The following FAM13A variants were observed in gnomAD, a reference collection of about 807,000 sequenced individuals.
FAM13A encodes protein FAM13A.
In FAM13A, 76 loss-of-function variants were observed where a neutral mutation model predicts 129.6. That is an observed-to-expected ratio of 0.59 (90% CI 0.49 to 0.71). The LOEUF (loss-of-function observed/expected upper bound fraction) is 0.71, where lower values mean the gene tolerates loss of function less well. Ranked by LOEUF, FAM13A falls within the 30% of genes least tolerant of loss-of-function variation. The pLI, the probability that FAM13A is intolerant of heterozygous loss-of-function variation, is 0.00. For synonymous variants in FAM13A, 443 were observed against 449.9 expected (o/e 0.98, Z 0.20); for missense variants, 1,108 against 1,249.3 (o/e 0.89, Z 1.70).
At chr4:88,928,906 GT>G (rs756872364) in intron 5 of FAM13A, among the ~76,000 whole-genome samples, 145 of 152,118 alleles carry the variant, frequency 9.5e-4, no homozygotes, top group Non-Finnish European at 1.2e-3. Flanking sequence ...TTTTGTCTTT[GT>G]GGTTTGATGA....
chr4:88,733,089 G>T (rs1392690693), intron 21 of FAM13A, among the ~76,000 whole-genome samples: 1 of 152,050 alleles, frequency 6.6e-6, no homozygotes, highest in African/African-American at 2.4e-5. Context: ...CATAAAAAAT[G>T]GTATGCATAG....
At chr4:88,947,725 C>T (rs571759203) in intron 4 of FAM13A, among the ~76,000 whole-genome samples, 3 of 151,516 alleles carry the variant, frequency 2.0e-5, no homozygotes, top group East Asian at 3.9e-4. Flanking sequence ...TTTCCTAGGA[C>T]GCTTATTCTA....
chr4:88,759,843 C>T (rs552384880), intron 13 of FAM13A, among the ~76,000 whole-genome samples: 75 of 152,234 alleles, frequency 4.9e-4, no homozygotes, highest in African/African-American at 1.6e-3. Context: ...AAACAAACTG[C>T]ACTCGAATTA....
chr4:89,015,401 G>T (rs1018927706), intron 3 of FAM13A, among the ~76,000 whole-genome samples: 1 of 152,122 alleles, frequency 6.6e-6, no homozygotes, highest in Non-Finnish European at 1.5e-5. Context: ...GGGCATCACG[G>T]AACCTGCTGA....
intron 1 of FAM13A, among the ~76,000 whole-genome samples, chr4:89,050,384 G>A (rs916463417): frequency 1.3e-5 from 2 of 151,572 alleles, no homozygotes; most frequent in Non-Finnish European, 2.9e-5. Flanking sequence ...TTTTGTATTT[G>A]TAGTAGAGAT....
chr4:88,759,713 A>G (rs908945554), intron 13 of FAM13A, among the ~76,000 whole-genome samples: 1 of 152,202 alleles, frequency 6.6e-6, no homozygotes, highest in Non-Finnish European at 1.5e-5. Flanking sequence ...TACTCTGAAT[A>G]TTAAATACTT....
chr4:88,965,925 T>G (rs1164143408), intron 4 of FAM13A, among the ~76,000 whole-genome samples: 3 of 151,414 alleles, frequency 2.0e-5, no homozygotes, highest in African/African-American at 7.2e-5. Context: ...CTCTCTTGGT[T>G]GTATATACTA....
At chr4:88,850,765 A>C (rs1397401441) in intron 7 of FAM13A, among the ~76,000 whole-genome samples, 1 of 152,206 alleles carries the variant, frequency 6.6e-6, no homozygotes. Flanking sequence ...TTCAACTTTA[A>C]CTGTGAGCCT....
intron 23 of FAM13A, chr4:88,730,011 A>T (rs946982313): frequency 6.6e-6 from 1 of 152,228 alleles, no homozygotes; most frequent in Non-Finnish European, 1.5e-5. Flanking sequence ...ATAAAAATAT[A>T]TGAGACATAT....
intron 1 of FAM13A, among the ~76,000 whole-genome samples, chr4:89,045,193 G>C (rs188556802): frequency 2.7e-3 from 411 of 152,192 alleles, no homozygotes; most frequent in Middle Eastern, 0.017. Context: ...AGGAGAATGT[G>C]AAGTGGAGAC....
intron 11 of FAM13A, among the ~76,000 whole-genome samples, chr4:88,771,523 G>A (rs1382444435): frequency 6.6e-6 from 1 of 152,058 alleles, no homozygotes; most frequent in Non-Finnish European, 1.5e-5. Context: ...TCCCTACCAG[G>A]CGTAGTAAGA....
intron 2 of FAM13A, among the ~76,000 whole-genome samples, chr4:89,022,057 G>A (rs934176296): frequency 1.3e-4 from 20 of 152,096 alleles, no homozygotes; most frequent in South Asian, 2.1e-4. Context: ...AGGATTTAAC[G>A]TGACATTCTT....
chr4:88,768,478 A>G (rs1347424263), intron 11 of FAM13A: 1 of 161,238 alleles, frequency 6.2e-6, no homozygotes, highest in East Asian at 1.7e-4. Flanking sequence ...TATCTATATA[A>G]GAACGTATAT....
intron 6 of FAM13A, among the ~76,000 whole-genome samples, chr4:88,878,971 AG>A (rs1743068540): frequency 6.6e-6 from 1 of 152,236 alleles, no homozygotes; most frequent in Non-Finnish European, 1.5e-5. Context: ...TTACTTTGTG[AG>A]TTTGGTAGGC....
intron 3 of FAM13A, among the ~76,000 whole-genome samples, chr4:89,014,731 T>G (rs1194672695): frequency 6.6e-6 from 1 of 152,370 alleles, no homozygotes; most frequent in East Asian, 1.9e-4. Flanking sequence ...CTGTCTTACT[T>G]TAATCTCTTA....
At chr4:89,003,424 A>G (rs938010221) in intron 3 of FAM13A, among the ~76,000 whole-genome samples, 19 of 152,230 alleles carry the variant, frequency 1.2e-4, no homozygotes, top group African/African-American at 4.3e-4. Flanking sequence ...AAGCCTGGCC[A>G]ACATGGGGAA....
intron 23 of FAM13A, among the ~76,000 whole-genome samples, chr4:88,730,565 T>A (rs1391110990): frequency 6.6e-6 from 1 of 152,104 alleles, no homozygotes; most frequent in African/African-American, 2.4e-5. Context: ...TAATTTTTTG[T>A]ATTTTTAGTA....
intron 8 of FAM13A, among the ~76,000 whole-genome samples, chr4:88,803,564 G>A (rs1476630281): frequency 1.3e-5 from 2 of 151,918 alleles, no homozygotes; most frequent in African/African-American, 4.8e-5. Flanking sequence ...TTATTACTGT[G>A]TATATTTATA....
At chr4:88,812,503 C>T (rs897048188) in intron 7 of FAM13A, among the ~76,000 whole-genome samples, 1 of 152,178 alleles carries the variant, frequency 6.6e-6, no homozygotes, top group Non-Finnish European at 1.5e-5. Flanking sequence ...TTTTGCAACT[C>T]TTTCCATTTG....
Sources: gnomAD v4.1 joint callset for allele counts (sites outside exome capture counted in the v4.1 genomes callset) on GRCh38, gnomAD v4.1.1 for gene constraint, MANE v1.5 for transcripts, NCBI Gene and HGNC (gene_info 2026-07-23, HGNC 2026-07-21) for gene names.